The following MARCO variants were observed in gnomAD, a reference collection of about 807,000 sequenced individuals.
MARCO encodes the protein macrophage receptor with collagenous structure.
Under a neutral mutation model 70.0 loss-of-function variants are expected in MARCO, and 72 were observed. The observed-to-expected ratio is 1.03, with a 90% CI of 0.85 to 1.25. The LOEUF is 1.25. Among genes scored for constraint, MARCO ranks in the 50% most tolerant of loss-of-function variants. MARCO has a pLI of 0.00. For missense variants in MARCO, 696 were observed against 659.3 expected (o/e 1.06, Z -0.61); for synonymous variants, 273 against 243.1 (o/e 1.12, Z -1.14).
At chr2:118,952,927 A>T (rs1194734304) in intron 1 of MARCO, 1 of 152,220 alleles carries the variant, frequency 6.6e-6, no homozygotes, top group South Asian at 2.1e-4. Flanking sequence ...CAGCAAGGCC[A>T]TCTTTACTTT....
In MARCO at chr2:118,993,131, C is replaced by A. The variant is rs143708232; in HGVS notation, c.1260C>A (p.Asn420Lys). The A allele has an allele frequency of 1.9e-6, 3 of 1,614,084 alleles. No individual in the cohort carries two copies. The African/African-American group carries it at 4.0e-5, about 22-fold the overall frequency. The change falls in exon 16 of 17, where the codon AAC becomes AAA. Residue 420 changes from asparagine to lysine, a missense_variant. Asn to Lys is a moderately conservative substitution (Grantham distance 94). This residue lies in a region of MARCO where 605 missense variants were observed against 537.6 expected (regional missense o/e 1.13). Transcript: ENST00000327097. ...VKGEKGERGE[N>K]SVSVRIVGSS... ...GTGTGTTTCTTCACCCAGGTGAAAA[C>A]TCAGTGTCCGTCAGGATTGTCGGCA...
At chr2:118,945,544 C>T (rs549701859) in intron 1 of MARCO, among the ~76,000 whole-genome samples, 2 of 151,940 alleles carry the variant, frequency 1.3e-5, no homozygotes, top group South Asian at 2.1e-4. Flanking sequence ...TCCCTAGTAG[C>T]TGGGATTACA....
intron 16 of MARCO, among the ~76,000 whole-genome samples, chr2:118,993,704 G>A (rs1680668081): frequency 1.3e-5 from 2 of 152,222 alleles, no homozygotes; most frequent in South Asian, 4.1e-4. Context: ...CCAGCAGCCT[G>A]GATTGACCAG....
chr2:118,974,499 C>G (rs1300578749), intron 5 of MARCO, 22 bp from the exon 6 acceptor site: 64 of 1,613,788 alleles, frequency 4.0e-5, no homozygotes, highest in Non-Finnish European at 5.2e-5. Flanking sequence ...TGGCTTCACT[C>G]TGAATTCCCT....
intron 12 of MARCO, among the ~76,000 whole-genome samples, chr2:118,982,672 C>T (rs112147168): frequency 2.1e-4 from 32 of 152,298 alleles, no homozygotes; most frequent in South Asian, 4.1e-4. Flanking sequence ...GAGAGCAAAG[C>T]ACCTTGCCCA....
intron 12 of MARCO, among the ~76,000 whole-genome samples, chr2:118,983,619 A>G (rs1277356482): frequency 1.3e-5 from 2 of 152,122 alleles, no homozygotes; most frequent in Non-Finnish European, 2.9e-5. Flanking sequence ...CCATCTGGGT[A>G]TAGTCGTCAG....
chr2:118,978,722 T>G (rs538861079), intron 8 of MARCO, among the ~76,000 whole-genome samples: 4 of 152,224 alleles, frequency 2.6e-5, no homozygotes, highest in Non-Finnish European at 5.9e-5. Context: ...TTAAATTAGA[T>G]ATATTTTACA....
intron 1 of MARCO, among the ~76,000 whole-genome samples, chr2:118,959,114 A>T (rs1679892172): frequency 6.6e-6 from 1 of 152,198 alleles, no homozygotes; most frequent in Non-Finnish European, 1.5e-5. Context: ...AAGTAAATGC[A>T]ATAAAAACAA....
At position 118,991,807 on chromosome 2, in the gene MARCO, G is replaced by A; in HGVS notation, c.1139G>A (p.Ser380Asn). 6.3e-7 allele frequency: 1 copy of A among 1,597,240 alleles called. No homozygotes were observed. Among genetic ancestry groups the A allele is most frequent in the Non-Finnish European group, 8.5e-7 (1 of 1,173,312 alleles). The change falls in exon 14 of 17, where the codon AGC (serine) becomes AAC (asparagine). Residue 380 changes from serine (S) to asparagine (N), a missense_variant. By Grantham distance (46) the Ser-to-Asn change is conservative. Coordinates refer to ENST00000327097, the MANE Select transcript of MARCO (RefSeq NM_006770.4). ...GCAGGTGTGAAGGGAGAACAGGGGA[G>A]CCCAGGGCTGGCAGGTCCCAAGGGA... ...GPAGVKGEQG[S>N]PGLAGPKGAP... is the part of the protein sequence containing the mutation.
At chr2:118,976,873 C>G (rs1680293276) in intron 6 of MARCO, among the ~76,000 whole-genome samples, 1 of 152,272 alleles carries the variant, frequency 6.6e-6, no homozygotes, top group South Asian at 2.1e-4. Context: ...GCTGTCTTAG[C>G]CTGTTTTGTG....
At chr2:118,944,123 G>A (rs1679552997) in intron 1 of MARCO, among the ~76,000 whole-genome samples, 1 of 152,178 alleles carries the variant, frequency 6.6e-6, no homozygotes, top group South Asian at 2.1e-4. Context: ...CCTGGGTTGT[G>A]TGTGTCACCA....
chr2:118,943,816 C>T (rs1679547625), intron 1 of MARCO, among the ~76,000 whole-genome samples: 1 of 152,114 alleles, frequency 6.6e-6, no homozygotes, highest in Non-Finnish European at 1.5e-5. Flanking sequence ...AGGCTGGAAC[C>T]AAAAAATTTG....
chr2:118,955,807 T>C (rs1014646221), intron 1 of MARCO, among the ~76,000 whole-genome samples: 10 of 152,156 alleles, frequency 6.6e-5, no homozygotes, highest in African/African-American at 2.2e-4. Flanking sequence ...TTCTGCCTCC[T>C]CAAGCAAAAC....
In MARCO at chr2:118,990,569, C is replaced by CTTTTT; in HGVS notation, c.1064-18_1064-14dup. 5 of 1,415,970 alleles carry CTTTTT rather than the reference C, an allele frequency of 3.5e-6. No homozygotes were observed. The highest frequency in any genetic ancestry group is 1.2e-5 in the South Asian group (1 of 84,014). The allele number at this position is 1,415,970 out of a possible 1,614,324, so 87.7% of individuals were successfully genotyped here. ...AGTTTTATTATCTCCTCCCCCCCCC[C>CTTTTT]TTTTTTGTTTTGATCTTAGGACTTC... On this transcript the variant is annotated intron_variant, in intron 12 of 16. Coordinates refer to ENST00000327097, the MANE Select transcript of MARCO (RefSeq NM_006770.4).
At chr2:118,991,573 C>T (rs1380165374) in intron 13 of MARCO, among the ~76,000 whole-genome samples, 1 of 152,210 alleles carries the variant, frequency 6.6e-6, no homozygotes, top group African/African-American at 2.4e-5. Context: ...TTTTAGCCTG[C>T]CTGTTCTCGA....
chr2:118,992,321 G>C, intron 14 of MARCO, 111 bp from the exon 15 acceptor site: 2 of 806,998 alleles, frequency 2.5e-6, no homozygotes, highest in South Asian at 3.0e-5. Context: ...CGAGACCCAC[G>C]GAGCATCTGA....
At chr2:118,959,146 T>G (rs1306710748) in intron 1 of MARCO, among the ~76,000 whole-genome samples, 1 of 152,106 alleles carries the variant, frequency 6.6e-6, no homozygotes, top group African/African-American at 2.4e-5. Context: ...TGGGACCTAA[T>G]TAAACTAAAG....
intron 2 of MARCO, among the ~76,000 whole-genome samples, chr2:118,969,465 G>A (rs1680119800): frequency 6.6e-6 from 1 of 152,094 alleles, no homozygotes; most frequent in Non-Finnish European, 1.5e-5. Flanking sequence ...CCTGAGGGAG[G>A]GAGAGAGAGA....
intron 12 of MARCO, among the ~76,000 whole-genome samples, chr2:118,986,807 A>G (rs890091826): frequency 6.6e-6 from 1 of 152,036 alleles, no homozygotes; most frequent in Non-Finnish European, 1.5e-5. Context: ...AGAAAGGGAA[A>G]GAAAGAAAGT....
Sources: allele counts gnomAD v4.1 joint callset (sites outside exome capture counted in the v4.1 genomes callset), GRCh38; gene constraint gnomAD v4.1.1; regional missense constraint gnomAD v4.1.1; transcripts MANE v1.5; gene names NCBI Gene and HGNC (gene_info 2026-07-23, HGNC 2026-07-21).